The following MRPL48 variants were observed in gnomAD, a reference collection of about 807,000 sequenced individuals.
The protein encoded by MRPL48 is mitochondrial ribosomal protein L48, also known as large ribosomal subunit protein mL48.
In MRPL48, 16 loss-of-function variants were observed where a neutral mutation model predicts 32.9. The ratio of observed to expected loss-of-function variants is 0.49; its 90% CI spans 0.33 to 0.74. MRPL48 has a LOEUF of 0.74. Ranked by LOEUF, MRPL48 falls within the 30% of genes least tolerant of loss-of-function variation. The pLI is 0.02. For missense variants in MRPL48, 206 were observed against 245.3 expected (o/e 0.84, Z 1.07); for synonymous variants, 94 against 89.2 (o/e 1.05, Z -0.31).
chr11:73,795,688 A>G (rs1447716056), intron 1 of MRPL48, among the ~76,000 whole-genome samples: 2 of 125,082 alleles, frequency 1.6e-5, no homozygotes, highest in African/African-American at 6.5e-5. Flanking sequence ...TTTTTTTTTT[A>G]GTAGAGATGG....
intron 5 of MRPL48, chr11:73,850,593 G>A (rs1288771839): frequency 2.9e-6 from 1 of 340,468 alleles, no homozygotes; most frequent in Non-Finnish European, 5.6e-6. Flanking sequence ...TCTTTTCTAA[G>A]TTGCTTTAAT....
intron 3 of MRPL48, among the ~76,000 whole-genome samples, chr11:73,823,879 G>A (rs1361714184): frequency 3.4e-5 from 5 of 148,994 alleles, no homozygotes; most frequent in East Asian, 3.9e-4. Context: ...TTTTTGAGAC[G>A]GAGTCTGGGT....
chr11:73,825,277 T>TA (rs1947863893), intron 3 of MRPL48, among the ~76,000 whole-genome samples: 2 of 105,844 alleles, frequency 1.9e-5, no homozygotes, highest in African/African-American at 9.7e-5. Context: ...TACCTTGTTT[T>TA]TTATATATGT....
intron 5 of MRPL48, among the ~76,000 whole-genome samples, chr11:73,855,721 C>T (rs1948472495): frequency 1.3e-5 from 2 of 152,076 alleles, no homozygotes; most frequent in South Asian, 2.1e-4. Context: ...CTCCTGACCT[C>T]GTGATCCACC....
Position 73,808,216 on chromosome 11 carries a change from T to C in MRPL48, c.75-97T>C, listed in dbSNP as rs991649173. On this transcript the variant is annotated intron_variant, in intron 2 of 7. Transcript: ENST00000310614. ...GGAAAGAAGGAGTAAGGAAACAGCA[T>C]TGATGCATCTTTAGTGATAGAATAT... is the stretch of plus-strand genomic sequence containing the variant. 41 of 1,188,218 alleles carry C rather than the reference T, an allele frequency of 3.5e-5. 1 individual carries two copies. The Admixed American group carries it at 3.8e-4, about 11-fold the overall frequency. 73.6% of individuals were successfully genotyped at this position (1,188,218 alleles called of 1,614,324 possible). A position where few individuals can be genotyped will look rare whatever the true frequency, so the allele number is the denominator to read the frequency against.
At chr11:73,863,144 T>A in intron 6 of MRPL48, 28 bp from the exon 7 acceptor site, 2 of 1,556,238 alleles carry the variant, frequency 1.3e-6, no homozygotes, top group Non-Finnish European at 1.7e-6. Flanking sequence ...TCCTCCCACC[T>A]CTTAGAGCAC....
rs112576224 is a variant in MRPL48 at position 73,812,738 on chromosome 11, A to ATATATATATT, written c.112+4391_112+4392insATATATTTAT. ...TCTAAATATATATATATATATATAT[A>ATATATATATT]TATTTATTTATTTATTTTTTATTGT... On this transcript the variant is annotated intron_variant, in intron 3 of 7. Coordinates refer to ENST00000310614, the MANE Select transcript of MRPL48 (RefSeq NM_016055.6). 8.6e-3 allele frequency among the ~76,000 whole-genome samples: 1,215 copies of ATATATATATT among 142,008 alleles called. 10 individuals carry two copies. The highest frequency in any genetic ancestry group is 0.028 in the African/African-American group (1,054 of 38,042). The allele number at this position is 142,008 out of a possible 152,430, so 93.2% of individuals were successfully genotyped here.
In MRPL48 at chr11:73,864,290, C is replaced by G; in HGVS notation, c.565-6C>G. On this transcript the variant is annotated splice_region_variant and splice_polypyrimidine_tract_variant and intron_variant, in intron 7 of 7. Coordinates refer to ENST00000310614, the MANE Select transcript of MRPL48 (RefSeq NM_016055.6). ...TTACCGCTTATTTTCTTTTTCTTCTCCTTAGCACACTGAAGAAGACTTCAA... is the reference window on the plus strand; with the variant it reads ...TTACCGCTTATTTTCTTTTTCTTCTGCTTAGCACACTGAAGAAGACTTCAA... 6.2e-7 allele frequency: 1 copy of G among 1,613,126 alleles called. No individual in the cohort carries two copies. Among genetic ancestry groups the G allele is most frequent in the Non-Finnish European group, 8.5e-7 (1 of 1,179,556 alleles).
Position 73,790,132 on chromosome 11 carries a change from C to T in MRPL48, c.21+2140C>T, listed in dbSNP as rs554120083. 5.6e-5 allele frequency among the ~76,000 whole-genome samples: 8 copies of T among 142,278 alleles called. No individual in the cohort carries two copies. In the South Asian group the frequency reaches 1.4e-3, roughly 25 times the overall value. 93.3% of individuals were successfully genotyped at this position (142,278 alleles called of 152,430 possible). On this transcript the variant is annotated intron_variant, in intron 1 of 7. Transcript: ENST00000310614. ...TCGCCCAGGCTGGAGTGCAGTGGCGCGATCTCGGCTCACTGCAAGCTCCAC... is the reference window on the plus strand; with the variant it reads ...TCGCCCAGGCTGGAGTGCAGTGGCGTGATCTCGGCTCACTGCAAGCTCCAC...
At chr11:73,833,699 G>A (rs1006538589) in intron 4 of MRPL48, among the ~76,000 whole-genome samples, 1 of 151,954 alleles carries the variant, frequency 6.6e-6, no homozygotes, top group African/African-American at 2.4e-5. Flanking sequence ...TTCAGAGACA[G>A]GGTCTTGCTC....
At chr11:73,819,658 A>T (rs59187119) in intron 3 of MRPL48, among the ~76,000 whole-genome samples, 21,701 of 152,210 alleles carry the variant, frequency 0.14, 1,620 homozygotes, top group African/African-American at 0.16. Flanking sequence ...TATATTTTAA[A>T]ACAATTGTCC....
At chr11:73,835,361 C>G (rs1056667708) in intron 4 of MRPL48, among the ~76,000 whole-genome samples, 1 of 151,156 alleles carries the variant, frequency 6.6e-6, no homozygotes, top group Non-Finnish European at 1.5e-5. Context: ...AGGATAGTCT[C>G]GATCTCCTGA....
chr11:73,840,555 A>T (rs1174408197), intron 4 of MRPL48, among the ~76,000 whole-genome samples: 1 of 152,118 alleles, frequency 6.6e-6, no homozygotes, highest in Non-Finnish European at 1.5e-5. Flanking sequence ...GCTAGAGTGC[A>T]GTGGTGTGAT....
chr11:73,808,391 G>T, intron 3 of MRPL48, 41 bp downstream of exon 3: 1 of 1,560,528 alleles, frequency 6.4e-7, no homozygotes, highest in Non-Finnish European at 8.8e-7. Context: ...TGCTTTAAGT[G>T]ACCCTTTAGC....
chr11:73,861,359 T>G (rs1047928012), intron 6 of MRPL48, among the ~76,000 whole-genome samples: 1 of 143,414 alleles, frequency 7.0e-6, no homozygotes, highest in Admixed American at 6.8e-5. Context: ...AGCTAGTTTG[T>G]TTTTTTTTGT....
At chr11:73,847,792 C>G (rs1948321277) in intron 5 of MRPL48, among the ~76,000 whole-genome samples, 1 of 151,954 alleles carries the variant, frequency 6.6e-6, no homozygotes, top group African/African-American at 2.4e-5. Context: ...GTTGGTCAGG[C>G]CAGTCTCGAA....
rs868838728 is a variant in MRPL48, at chr11:73,857,151, G to A, written c.372-2756G>A. On this transcript the variant is annotated intron_variant, in intron 5 of 7. Transcript: ENST00000310614. ...AAAGCATAGACCTTTTTTTTTTTGA[G>A]ACTGAGCCTTGCTCTGTCGCCCAAG... Among the ~76,000 whole-genome samples the A allele has an allele frequency of 7.4e-5, 11 of 149,438 alleles. No individual in the cohort carries two copies. The South Asian group carries it at 1.7e-3, about 23-fold the overall frequency.
intron 5 of MRPL48, among the ~76,000 whole-genome samples, chr11:73,852,779 G>A (rs548847849): frequency 4.6e-5 from 7 of 152,060 alleles, no homozygotes; most frequent in Non-Finnish European, 1.0e-4. Context: ...TCAGTATATC[G>A]AAAAGTTATC....
At chr11:73,824,763 A>G (rs1251688362) in intron 3 of MRPL48, among the ~76,000 whole-genome samples, 2 of 152,184 alleles carry the variant, frequency 1.3e-5, no homozygotes, top group African/African-American at 4.8e-5. Flanking sequence ...CTGTTGAGGA[A>G]CAAGAAGAGA....
Sources: allele counts gnomAD v4.1 joint callset (sites outside exome capture counted in the v4.1 genomes callset), GRCh38; gene constraint gnomAD v4.1.1; transcripts MANE v1.5; gene names NCBI Gene and HGNC (gene_info 2026-07-23, HGNC 2026-07-21).